The following C14orf39 variants were observed in gnomAD, a reference collection of about 807,000 sequenced individuals.
The protein encoded by C14orf39 is chromosome 14 open reading frame 39.
Under a neutral mutation model 85.6 loss-of-function variants are expected in C14orf39, and 66 were observed. That is an observed-to-expected ratio of 0.77 (90% CI 0.63 to 0.95). The LOEUF (loss-of-function observed/expected upper bound fraction) is 0.95, where lower values mean the gene tolerates loss of function less well. Ranked by LOEUF, C14orf39 falls within the 40% of genes least tolerant of loss-of-function variation. C14orf39 has a pLI of 0.00. For missense variants in C14orf39, 735 were observed against 663.9 expected, an observed-to-expected ratio of 1.11 and a Z score of -1.18; for synonymous variants, 242 against 214.0, an observed-to-expected ratio of 1.13 and a Z score of -1.14.
At chr14:60,500,730 G>A (rs1315814763) in intron 1 of C14orf39, among the ~76,000 whole-genome samples, 2 of 152,090 alleles carry the variant, frequency 1.3e-5, no homozygotes, top group Admixed American at 1.3e-4. Flanking sequence ...AGAGAAAAAC[G>A]TCCATAAGGA....
At chr14:60,478,440 T>C in intron 4 of C14orf39, 51 bp from the exon 5 acceptor site, 1 of 870,192 alleles carries the variant, frequency 1.1e-6, no homozygotes. Flanking sequence ...ATAAACAAAT[T>C]GATAGAGATA....
In C14orf39 at chr14:60,441,033, A is replaced by G. The variant is rs903010100; in HGVS notation, c.1561+1041T>C. ...CTTTGCTGCATAGTATTTATCACCA[A>G]CAATAAGTAAAAAATTAACATCAAG... is the stretch of plus-strand genomic sequence containing the variant. On this transcript the variant is annotated intron_variant, in intron 17 of 17. Coordinates refer to ENST00000321731, the MANE Select transcript of C14orf39 (RefSeq NM_174978.3). Among the ~76,000 whole-genome samples, 6 of 152,130 alleles carry G rather than the reference A, an allele frequency of 3.9e-5. No individual in the cohort carries two copies. In the South Asian group the frequency reaches 1.2e-3, roughly 32 times the overall value.
intron 16 of C14orf39, among the ~76,000 whole-genome samples, chr14:60,443,574 A>T (rs1306620871): frequency 2.0e-5 from 3 of 152,164 alleles, no homozygotes; most frequent in African/African-American, 7.2e-5. Context: ...GCCTCTATAG[A>T]CTCAAACTCT....
At chr14:60,505,701 G>A (rs1188666320) in intron 1 of C14orf39, among the ~76,000 whole-genome samples, 5 of 152,170 alleles carry the variant, frequency 3.3e-5, no homozygotes, top group Admixed American at 6.5e-5. Flanking sequence ...CTGATTATGT[G>A]AAATTGTGTG....
At chr14:60,467,575 A>G (rs1891856179) in intron 9 of C14orf39, among the ~76,000 whole-genome samples, 1 of 151,906 alleles carries the variant, frequency 6.6e-6, no homozygotes, top group African/African-American at 2.4e-5. Context: ...AAATGACTAA[A>G]TATTTATATG....
At chr14:60,467,123 T>C (rs1490008171) in intron 9 of C14orf39, 79 bp from the exon 10 acceptor site, 2 of 653,300 alleles carry the variant, frequency 3.1e-6, no homozygotes, top group African/African-American at 3.8e-5. Context: ...CATATTTAGA[T>C]ACTATATAAT....
At chr14:60,458,610 T>A in intron 14 of C14orf39, 68 bp downstream of exon 14, 1 of 1,160,568 alleles carries the variant, frequency 8.6e-7, no homozygotes. Flanking sequence ...AAATCTGAAA[T>A]TTAAATAGAC....
intron 5 of C14orf39, among the ~76,000 whole-genome samples, chr14:60,475,369 T>C (rs1291671881): frequency 6.6e-6 from 1 of 151,982 alleles, no homozygotes; most frequent in African/African-American, 2.4e-5. Flanking sequence ...ACCGTTCAAA[T>C]AACCTTTTTT....
At chr14:60,442,439 A>AT (rs962550638) in intron 16 of C14orf39, among the ~76,000 whole-genome samples, 12 of 151,890 alleles carry the variant, frequency 7.9e-5, no homozygotes, top group East Asian at 1.9e-4. Context: ...GGTTGTTGGT[A>AT]TTTTTTTTGC....
At chr14:60,503,511 A>G (rs575193835) in intron 1 of C14orf39, among the ~76,000 whole-genome samples, 1 of 152,316 alleles carries the variant, frequency 6.6e-6, no homozygotes, top group East Asian at 1.9e-4. Context: ...TACAAGTTTG[A>G]GTCTATGTTT....
chr14:60,436,696 T>C lies in C14orf39; in HGVS notation c.*149A>G. On this transcript the variant is annotated 3_prime_UTR_variant, in exon 18 of 18. Coordinates refer to ENST00000321731, the MANE Select transcript of C14orf39 (RefSeq NM_174978.3). ...ACACAAAACCCAAAATATTCAGTATTTCAATATTTCAATAAATATAATCAA... is the reference window on the plus strand; with the variant it reads ...ACACAAAACCCAAAATATTCAGTATCTCAATATTTCAATAAATATAATCAA... 1 of 548,496 alleles carries C rather than the reference T, an allele frequency of 1.8e-6. No homozygotes were observed. Among genetic ancestry groups the C allele is most frequent in the Non-Finnish European group, 3.1e-6 (1 of 324,816 alleles). The allele number at this position is 548,496 out of a possible 1,614,324, so 34.0% of individuals were successfully genotyped here.
At chr14:60,454,074 ATTAC>A (rs1891154305) in intron 16 of C14orf39, among the ~76,000 whole-genome samples, 1 of 151,880 alleles carries the variant, frequency 6.6e-6, no homozygotes, top group South Asian at 2.1e-4. Flanking sequence ...ACTCCTAGGA[ATTAC>A]TTGTTTTTAA....
upstream of C14orf39, among the ~76,000 whole-genome samples, chr14:60,488,188 A>G (rs1892934899): frequency 6.6e-6 from 1 of 152,208 alleles, no homozygotes; most frequent in South Asian, 2.1e-4. Context: ...TTTTCTTATG[A>G]AAATTTGTAG....
At chr14:60,445,438 T>C (rs920955815) in intron 16 of C14orf39, among the ~76,000 whole-genome samples, 2 of 152,098 alleles carry the variant, frequency 1.3e-5, no homozygotes, top group African/African-American at 2.4e-5. Context: ...AAACAGACTT[T>C]AAACCAACAA....
chr14:60,487,013 C>T (rs1158230305), upstream of C14orf39, among the ~76,000 whole-genome samples: 1 of 152,074 alleles, frequency 6.6e-6, no homozygotes, highest in African/African-American at 2.4e-5. Context: ...ATTGTATTTA[C>T]CACGTACATG....
In C14orf39 at chr14:60,491,675, C is replaced by T. The variant is rs538244957; in HGVS notation, c.-8-6589G>A. 6.6e-6 allele frequency among the ~76,000 whole-genome samples: 1 copy of T among 152,280 alleles called. No homozygotes were observed. Among genetic ancestry groups the T allele is most frequent in the South Asian group, 2.1e-4 (1 of 4,808 alleles). ...CATTTTTCTCTATTTCAGCTGCCGC[C>T]ATCTAAATTCATTCTCTCACCTGGA... On this transcript the variant is annotated intron_variant, in intron 2 of 5. Transcript: ENST00000556799. The surrounding 1 kb of genome is among the most constrained non-coding windows in gnomAD (Gnocchi z 4.5).
intron 2 of C14orf39, chr14:60,495,900 A>G (rs1419177617): frequency 4.9e-6 from 2 of 405,910 alleles, no homozygotes. Context: ...GAACTCTGGA[A>G]GAGCACAGAG....
At chr14:60,451,986 T>G (rs1370780377) in intron 16 of C14orf39, among the ~76,000 whole-genome samples, 13 of 149,974 alleles carry the variant, frequency 8.7e-5, no homozygotes, top group Admixed American at 8.6e-4. Context: ...ATCGAGACCA[T>G]CCTGGCCAAC....
At chr14:60,503,326 T>C (rs1342602714) in intron 1 of C14orf39, among the ~76,000 whole-genome samples, 1 of 152,230 alleles carries the variant, frequency 6.6e-6, no homozygotes, top group Non-Finnish European at 1.5e-5. Flanking sequence ...TAAGTCTCTC[T>C]GAGGTCCTTG....
Sources: allele counts gnomAD v4.1 joint callset (sites outside exome capture counted in the v4.1 genomes callset), GRCh38; gene constraint gnomAD v4.1.1; non-coding constraint Gnocchi (gnomAD v3.1); transcripts MANE v1.5; gene names NCBI Gene and HGNC (gene_info 2026-07-23, HGNC 2026-07-21).